ANKS1B: variants seen among roughly 807,000 people sequenced by gnomAD.
ANKS1B encodes the protein ankyrin repeat and sterile alpha motif domain-containing protein 1B.
In ANKS1B, 36 loss-of-function variants were observed where a neutral mutation model predicts 148.3. That is an observed-to-expected ratio of 0.24 (90% CI 0.19 to 0.32). The LOEUF (loss-of-function observed/expected upper bound fraction) is 0.32. ANKS1B is among the 10% of genes least tolerant of loss of function. ANKS1B has a pLI of 1.00. For synonymous variants in ANKS1B, 542 were observed against 560.8 expected, an observed-to-expected ratio of 0.97 and a Z score of 0.47; for missense variants, 1,157 against 1,542.6, an observed-to-expected ratio of 0.75 and a Z score of 4.19.
intron 9 of ANKS1B, among the ~76,000 whole-genome samples, chr12:99,538,907 T>C (rs1026061948): frequency 6.6e-6 from 1 of 152,214 alleles, no homozygotes; most frequent in African/African-American, 2.4e-5. Context: ...TGTTGAGGTA[T>C]GTTCCTTCTA....
At chr12:99,677,276 A>G (rs1397846414) in intron 8 of ANKS1B, among the ~76,000 whole-genome samples, 1 of 152,174 alleles carries the variant, frequency 6.6e-6, no homozygotes, top group East Asian at 1.9e-4. Context: ...CACCATTACA[A>G]AATTGACATG....
At chr12:99,950,929 C>T (rs1273261795) in intron 1 of ANKS1B, among the ~76,000 whole-genome samples, 1 of 152,200 alleles carries the variant, frequency 6.6e-6, no homozygotes, top group Non-Finnish European at 1.5e-5. Context: ...TGAAATCACA[C>T]ATAAGATATA....
At chr12:99,591,017 T>A (rs1333769517) in intron 9 of ANKS1B, among the ~76,000 whole-genome samples, 1 of 149,832 alleles carries the variant, frequency 6.7e-6, no homozygotes. Flanking sequence ...TATTTTAAGT[T>A]CTTTCGGGTA....
At chr12:99,862,062 G>C (rs1301306227) in intron 1 of ANKS1B, among the ~76,000 whole-genome samples, 1 of 152,116 alleles carries the variant, frequency 6.6e-6, no homozygotes, top group Non-Finnish European at 1.5e-5. Flanking sequence ...CATTGTAATA[G>C]CTCTAGAACT....
At chr12:99,633,968 A>G (rs1390800885) in intron 9 of ANKS1B, among the ~76,000 whole-genome samples, 1 of 152,162 alleles carries the variant, frequency 6.6e-6, no homozygotes, top group Non-Finnish European at 1.5e-5. Flanking sequence ...TCATGAGACT[A>G]TGAATTTTGG....
intron 11 of ANKS1B, 86 bp downstream of exon 11, chr12:99,443,587 C>A: frequency 7.2e-7 from 1 of 1,395,324 alleles, no homozygotes; most frequent in Non-Finnish European, 9.8e-7. Flanking sequence ...ATAAAACAGT[C>A]CAGGCATTGC....
chr12:99,890,488 C>T (rs1481327927), intron 1 of ANKS1B, among the ~76,000 whole-genome samples: 2 of 151,970 alleles, frequency 1.3e-5, no homozygotes, highest in African/African-American at 4.8e-5. Flanking sequence ...TCCCAGCTTG[C>T]CTTACAGATT....
At chr12:99,556,407 T>TG (rs1050032776) in intron 9 of ANKS1B, among the ~76,000 whole-genome samples, 9 of 151,912 alleles carry the variant, frequency 5.9e-5, no homozygotes, top group East Asian at 3.9e-4. Context: ...TGATTTTTTT[T>TG]GGGGGGGAGC....
intron 14 of ANKS1B, among the ~76,000 whole-genome samples, chr12:99,164,421 C>T (rs1354124992): frequency 6.6e-6 from 1 of 151,410 alleles, no homozygotes; most frequent in Admixed American, 6.6e-5. Flanking sequence ...ATTGTTGTTT[C>T]CTCATTTTCC....
intron 22 of ANKS1B, among the ~76,000 whole-genome samples, chr12:98,796,314 G>C (rs139473967): frequency 2.0e-5 from 3 of 152,076 alleles, no homozygotes; most frequent in Admixed American, 6.6e-5. Flanking sequence ...GAATAAACAG[G>C]TAACTCTTAA....
At chr12:99,285,765 G>C (rs1414797106) in intron 12 of ANKS1B, among the ~76,000 whole-genome samples, 1 of 152,104 alleles carries the variant, frequency 6.6e-6, no homozygotes. Context: ...GAGGAAGAGA[G>C]CAGTAATTGT....
intron 9 of ANKS1B, among the ~76,000 whole-genome samples, chr12:99,614,435 AAAAAG>A (rs1339278402): frequency 1.4e-4 from 21 of 149,400 alleles, no homozygotes; most frequent in African/African-American, 5.2e-4. Flanking sequence ...ACTCTGTGTC[AAAAAG>A]AAAAGAAAAG....
At chr12:99,280,726 T>C (rs2078301385) in intron 12 of ANKS1B, among the ~76,000 whole-genome samples, 1 of 152,196 alleles carries the variant, frequency 6.6e-6, no homozygotes, top group Admixed American at 6.5e-5. Context: ...TTGTTTTCTT[T>C]TCTGCTTTCA....
At chr12:99,118,207 C>A (rs2061870523) in intron 15 of ANKS1B, among the ~76,000 whole-genome samples, 3 of 152,032 alleles carry the variant, frequency 2.0e-5, no homozygotes, top group South Asian at 2.1e-4. Context: ...TTGAAAATAT[C>A]TATTCTTATT....
intron 1 of ANKS1B, among the ~76,000 whole-genome samples, chr12:99,897,176 T>G (rs2093415169): frequency 1.3e-5 from 2 of 151,464 alleles, no homozygotes; most frequent in Middle Eastern, 6.8e-3. Context: ...TAGCTGGGTT[T>G]AATGCCTTGA....
intron 1 of ANKS1B, among the ~76,000 whole-genome samples, chr12:99,939,027 T>C (rs1316324192): frequency 6.6e-6 from 1 of 152,178 alleles, no homozygotes; most frequent in African/African-American, 2.4e-5. Flanking sequence ...AACAATAGCT[T>C]ATTTGGGGGC....
intron 9 of ANKS1B, among the ~76,000 whole-genome samples, chr12:99,507,540 G>A (rs2153016924): frequency 6.6e-6 from 1 of 151,944 alleles, no homozygotes; most frequent in East Asian, 1.9e-4. Flanking sequence ...GTGAATGTGT[G>A]TGGACATGTG....
At chr12:98,767,785 A>G (rs1184791190) in intron 25 of ANKS1B, among the ~76,000 whole-genome samples, 1 of 152,272 alleles carries the variant, frequency 6.6e-6, no homozygotes, top group African/African-American at 2.4e-5. Flanking sequence ...ATCTAGAGTA[A>G]CTAAGCAAAT....
intron 15 of ANKS1B, among the ~76,000 whole-genome samples, chr12:99,108,022 A>T (rs142880016): frequency 1.3e-5 from 2 of 152,342 alleles, no homozygotes; most frequent in East Asian, 3.9e-4. Flanking sequence ...GGAAGAACAT[A>T]AAGAATAAAG....
Sources: allele counts gnomAD v4.1 joint callset (sites outside exome capture counted in the v4.1 genomes callset), GRCh38; gene constraint gnomAD v4.1.1; transcripts MANE v1.5; gene names NCBI Gene and HGNC (gene_info 2026-07-23, HGNC 2026-07-21).